The following ZNF143 variants were observed in gnomAD, a reference collection of about 807,000 sequenced individuals.
ZNF143 encodes zinc finger protein 143.
In ZNF143, 49 loss-of-function variants were observed where a neutral mutation model predicts 74.1. The observed-to-expected ratio is 0.66, with a 90% CI of 0.53 to 0.84. The LOEUF (loss-of-function observed/expected upper bound fraction) is 0.84. ZNF143 is among the 40% of genes least tolerant of loss of function. ZNF143 has a pLI of 0.00. For missense variants in ZNF143, 637 were observed against 793.4 expected (o/e 0.80, Z 2.37); for synonymous variants, 304 against 282.8 (o/e 1.07, Z -0.75).
intron 7 of ZNF143, among the ~76,000 whole-genome samples, chr11:9,493,195 G>A (rs796172124): frequency 3.3e-5 from 5 of 150,972 alleles, no homozygotes; most frequent in South Asian, 2.1e-4. Flanking sequence ...TCAGCCTCCC[G>A]AGTAACTGAG....
Position 9,461,089 on chromosome 11 carries a change from A to C in ZNF143, c.-8+13A>C. On this transcript the variant is annotated intron_variant, in intron 1 of 15. Coordinates refer to ENST00000396602, the MANE Select transcript of ZNF143 (RefSeq NM_003442.6). ...AATTTTCTCGGAGGTTCGTATATAAATGTGTTTTTACCCAGTGTGCATTAT... is the reference window on the plus strand; with the variant it reads ...AATTTTCTCGGAGGTTCGTATATAACTGTGTTTTTACCCAGTGTGCATTAT... 1.0e-6 allele frequency: 1 copy of C among 985,428 alleles called. No homozygotes were observed. The highest frequency in any genetic ancestry group is 4.7e-5 in the South Asian group (1 of 21,268). The allele number at this position is 985,428 out of a possible 1,614,324, so 61.0% of individuals were successfully genotyped here. A position where few individuals can be genotyped will look rare whatever the true frequency, so the allele number is the denominator to read the frequency against.
intron 1 of ZNF143, among the ~76,000 whole-genome samples, chr11:9,468,731 G>C (rs1856392208): frequency 6.6e-6 from 1 of 152,178 alleles, no homozygotes; most frequent in Non-Finnish European, 1.5e-5. Flanking sequence ...TATAATCCCA[G>C]CTACTCAGGA....
chr11:9,516,116 T>A (rs998204646), intron 13 of ZNF143, 85 bp from the exon 14 acceptor site: 1 of 1,339,554 alleles, frequency 7.5e-7, no homozygotes, highest in Non-Finnish European at 1.0e-6. Context: ...GGCAAACTTA[T>A]ACAAGGATTA....
In ZNF143 at chr11:9,494,682, A is replaced by G. The variant is rs1390864911; in HGVS notation, c.682A>G (p.Lys228Glu). Residue 228 changes from lysine to glutamate, a missense_variant, in exon 8 of 16, where the codon AAA becomes GAA. Around this residue, in one of 2 missense-constraint regions of ZNF143, gnomAD observed 293 missense variants for 307.8 expected, o/e 0.95. Transcript: ENST00000396602. ...AGGACATGCTACAAGAGTAACTGCT[A>G]AATCTCAACAGAGTGGAGAGAAGGC... ...LQGHATRVTA[K>E]SQQSGEKAFR... is the part of the protein sequence containing the mutation. 2 of 1,613,628 alleles carry G rather than the reference A, an allele frequency of 1.2e-6. No homozygotes were observed. Among genetic ancestry groups the G allele is most frequent in the African/African-American group, 2.7e-5 (2 of 74,934 alleles).
At chr11:9,489,076 C>A (rs538856031) in intron 7 of ZNF143, among the ~76,000 whole-genome samples, 1 of 152,226 alleles carries the variant, frequency 6.6e-6, no homozygotes, top group South Asian at 2.1e-4. Context: ...TTTTATTTTT[C>A]CAACTACTGT....
At chr11:9,463,446 T>C (rs751176557) in intron 1 of ZNF143, among the ~76,000 whole-genome samples, 3 of 152,240 alleles carry the variant, frequency 2.0e-5, no homozygotes, top group African/African-American at 7.2e-5. Context: ...ACACTTGTTA[T>C]CATCAGTCTT....
intron 5 of ZNF143, among the ~76,000 whole-genome samples, chr11:9,475,893 G>A (rs1474654848): frequency 7.3e-6 from 1 of 136,840 alleles, no homozygotes; most frequent in Non-Finnish European, 1.5e-5. Flanking sequence ...GTGAGACCCT[G>A]TCTCAAAAAA....
chr11:9,520,025 A>ATTTTTTTTTTT lies in ZNF143; in HGVS notation c.1686+3682_1686+3692dup, dbSNP rs954404348. On this transcript the variant is annotated intron_variant, in intron 14 of 15. Transcript: ENST00000396602. ...ATGTAGCAAGACACTGTTTCCACCA[A>ATTTTTTTTTTT]TTTTTTTTTTTTTTTTTTTTTTTTT... Among the ~76,000 whole-genome samples the ATTTTTTTTTTT allele has an allele frequency of 4.6e-4, 42 of 91,382 alleles. 2 individuals carry two copies. The highest frequency in any genetic ancestry group is 1.9e-3 in the African/African-American group (41 of 21,026). 60.0% of individuals were successfully genotyped at this position (91,382 alleles called of 152,430 possible).
chr11:9,489,809 T>C (rs1290315980), intron 7 of ZNF143, among the ~76,000 whole-genome samples: 1 of 152,186 alleles, frequency 6.6e-6, no homozygotes, highest in Non-Finnish European at 1.5e-5. Context: ...GAGTCTTCAA[T>C]TGAAATCTGC....
At chr11:9,463,516 G>T (rs944044100) in intron 1 of ZNF143, among the ~76,000 whole-genome samples, 5 of 152,178 alleles carry the variant, frequency 3.3e-5, no homozygotes, top group Non-Finnish European at 5.9e-5. Flanking sequence ...TGGTTTGCCT[G>T]TCTCTGATGG....
intron 7 of ZNF143, among the ~76,000 whole-genome samples, chr11:9,486,420 T>TATTATATATATTATATTA (rs368754514): frequency 3.2e-5 from 1 of 31,038 alleles, no homozygotes; most frequent in African/African-American, 1.1e-4. Flanking sequence ...ATAATATATA[T>TATTATATATATTATATTA]TATATATATT....
chr11:9,523,811 G>C (rs184156759), intron 14 of ZNF143, among the ~76,000 whole-genome samples: 1 of 152,096 alleles, frequency 6.6e-6, no homozygotes, highest in African/African-American at 2.4e-5. Context: ...GCTTTGGGAG[G>C]CCGAGGCGGG....
intron 13 of ZNF143, among the ~76,000 whole-genome samples, chr11:9,513,188 T>C (rs1307979607): frequency 3.9e-5 from 6 of 152,234 alleles, no homozygotes; most frequent in Admixed American, 3.9e-4. Context: ...ACTGTCTTAA[T>C]ACCTGGTGGA....
At chr11:9,515,294 A>G (rs1024984329) in intron 13 of ZNF143, among the ~76,000 whole-genome samples, 5 of 152,176 alleles carry the variant, frequency 3.3e-5, no homozygotes, top group African/African-American at 1.2e-4. Flanking sequence ...GTAGAAATTC[A>G]GATGGGAGAA....
In ZNF143 at chr11:9,471,352, A is replaced by G; in HGVS notation, c.44A>G (p.Glu15Gly). Residue 15 changes from glutamate to glycine, a missense_variant, in exon 2 of 16, where the codon GAG (glutamate) becomes GGG (glycine). By Grantham distance (98) the Glu-to-Gly change is moderately conservative (BLOSUM62 -2). Coordinates refer to ENST00000396602, the MANE Select transcript of ZNF143 (RefSeq NM_003442.6). ...AATCGAGATTCTCAGGGAATGACAG[A>G]GTTTCCTGGAGGAGGGATGGAGGCG... is the stretch of plus-strand genomic sequence containing the variant. The part of the protein sequence containing the change: ...QINRDSQGMT[E>G]FPGGGMEAQH... 1.2e-6 allele frequency: 2 copies of G among 1,612,584 alleles called. No individual in the cohort carries two copies. The highest frequency in any genetic ancestry group is 2.2e-5 in the South Asian group (2 of 90,644).
chr11:9,516,290 T>C lies in ZNF143; in HGVS notation c.1614T>C (p.His538=), dbSNP rs1272925109. The change falls in exon 14 of 16, where the codon CAT becomes CAC. Residue 538 remains histidine (H), a synonymous_variant. Transcript: ENST00000396602. ...QDGTPITVPA[H]DAVISSAGTH... ...GCACGCCCATCACAGTCCCCGCCCA[T>C]GATGCAGTCATCTCCTCAGCAGGAA... The C allele has an allele frequency of 6.2e-7, 1 of 1,614,134 alleles. No individual in the cohort carries two copies. Among genetic ancestry groups the C allele is most frequent in the Admixed American group, 1.7e-5 (1 of 60,012 alleles).
Position 9,494,699 on chromosome 11 carries a change from A to T in ZNF143, c.699A>T (p.Gly233=). ...TRVTAKSQQS[G]EKAFRCEYDG... is the part of the protein sequence containing the mutation. ...TAACTGCTAAATCTCAACAGAGTGG[A>T]GAGAAGGCATTTCGATGTGAATATG... is the stretch of plus-strand genomic sequence containing the variant. Residue 233 remains glycine (G), a synonymous_variant, in exon 8 of 16, where the codon GGA becomes GGT. Coordinates refer to ENST00000396602, the MANE Select transcript of ZNF143 (RefSeq NM_003442.6). 1 of 1,613,840 alleles carries T rather than the reference A, an allele frequency of 6.2e-7. No individual in the cohort carries two copies. The highest frequency in any genetic ancestry group is 2.2e-5 in the East Asian group (1 of 44,862).
chr11:9,506,813 T>C (rs1589927736), intron 11 of ZNF143, among the ~76,000 whole-genome samples: 1 of 152,120 alleles, frequency 6.6e-6, no homozygotes, highest in African/African-American at 2.4e-5. Flanking sequence ...TTCTTTTCTT[T>C]TTCTTTTTTT....
At chr11:9,466,216 T>C (rs1178247433) in intron 1 of ZNF143, among the ~76,000 whole-genome samples, 3 of 147,064 alleles carry the variant, frequency 2.0e-5, no homozygotes, top group East Asian at 2.1e-4. Context: ...CTCCTGACCT[T>C]AGGTGATCCA....
Sources: allele counts gnomAD v4.1 joint callset (sites outside exome capture counted in the v4.1 genomes callset), GRCh38; gene constraint gnomAD v4.1.1; regional missense constraint gnomAD v4.1.1; transcripts MANE v1.5; gene names NCBI Gene and HGNC (gene_info 2026-07-23, HGNC 2026-07-21).